Variants in ERP27 observed in about 807,000 individuals in gnomAD.
The protein encoded by ERP27 is endoplasmic reticulum protein 27, also known as endoplasmic reticulum resident protein 27.
In ERP27, 23 loss-of-function variants were observed where a neutral mutation model predicts 27.7. That is an observed-to-expected ratio of 0.83 (90% confidence interval 0.60 to 1.18). ERP27 has a LOEUF of 1.18. ERP27 is among the 50% of genes most tolerant of loss of function. The probability of loss-of-function intolerance (pLI) is 0.00; values close to 1 mark genes in which losing one functional copy is unlikely to be tolerated. For missense variants in ERP27, 363 were observed against 327.9 expected (o/e 1.11, Z -0.83); for synonymous variants, 159 against 118.3 (o/e 1.34, Z -2.23).
At chr12:14,927,580 A>G (rs187663976) in intron 3 of ERP27, among the ~76,000 whole-genome samples, 3 of 152,204 alleles carry the variant, frequency 2.0e-5, no homozygotes, top group African/African-American at 7.2e-5. Context: ...AGGATCTCAA[A>G]ATGCAAATTT....
intron 3 of ERP27, among the ~76,000 whole-genome samples, chr12:14,933,870 C>T (rs1863734156): frequency 6.6e-6 from 1 of 152,146 alleles, no homozygotes; most frequent in Non-Finnish European, 1.5e-5. Context: ...CTTAATACTT[C>T]TCACATGGTC....
rs146132897 is a variant in ERP27, at chr12:14,924,555, T to C, written c.334-3507A>G. ...CAGCGTTTGTTATTTTTTGTCTTTT[T>C]GATGATAGCCATTCTAATTGGGGTG... On this transcript the variant is annotated intron_variant, in intron 3 of 6. Transcript: ENST00000266397. 2.1e-3 allele frequency among the ~76,000 whole-genome samples: 325 copies of C among 152,338 alleles called. 2 individuals carry two copies. The highest frequency in any genetic ancestry group is 7.0e-3 in the African/African-American group (291 of 41,568).
rs754256787 is a variant in ERP27 at position 14,934,947 on chromosome 12, T to A, written c.242A>T (p.Lys81Ile). The change falls in exon 3 of 7, where the codon AAA becomes ATA. Residue 81 changes from lysine (K) to isoleucine (I), a missense_variant. Lys to Ile is a moderately radical substitution (Grantham distance 102). Transcript: ENST00000266397. Reference protein sequence around the residue: ...AVPILHSMVQKFPGVSFGIST... With the variant: ...AVPILHSMVQIFPGVSFGIST... ...GATCCCAAATGACACGCCTGGGAAT[T>A]TTTGCACCATGCTATGGAGTATGGG... The A allele has an allele frequency of 6.2e-7, 1 of 1,614,052 alleles. No homozygotes were observed. Among genetic ancestry groups the A allele is most frequent in the South Asian group, 1.1e-5 (1 of 91,066 alleles).
intron 3 of ERP27, among the ~76,000 whole-genome samples, chr12:14,925,848 C>T (rs2430703): frequency 0.65 from 98,973 of 151,804 alleles, 32,486 homozygotes; most frequent in East Asian, 0.86. Context: ...GGTGGGTAGA[C>T]CACAAGGTCA....
At chr12:14,919,165 G>A (rs1186437574) in intron 4 of ERP27, among the ~76,000 whole-genome samples, 2 of 152,214 alleles carry the variant, frequency 1.3e-5, no homozygotes, top group South Asian at 2.1e-4. Context: ...AACAGCTATA[G>A]TAGAATGGGC....
At chr12:14,914,910 A>T (rs570578853) in intron 6 of ERP27, 128 bp from the exon 7 acceptor site, 4 of 723,346 alleles carry the variant, frequency 5.5e-6, no homozygotes, top group African/African-American at 5.3e-5. Context: ...TTGCCCATTA[A>T]TGCTTTACAC....
intron 2 of ERP27, among the ~76,000 whole-genome samples, chr12:14,936,183 G>A (rs1863770617): frequency 6.6e-6 from 1 of 151,954 alleles, no homozygotes; most frequent in Admixed American, 6.6e-5. Flanking sequence ...GCCATCAAAA[G>A]GGCCAAAAAA....
chr12:14,934,865 G>A lies in ERP27; in HGVS notation c.324C>T (p.Leu108=), dbSNP rs1344447431. Residue 108 remains leucine, a synonymous_variant, in exon 3 of 7, where the codon CTC becomes CTT. Transcript: ENST00000266397. The part of the protein sequence containing the change: ...HYNITGNTIC[L]FRLVDNEQLN... ...TACCCACCCAACTTACCAGGCGAAA[G>A]AGGCAGATGGTGTTCCCAGTGATGT... 59 of 1,614,018 alleles carry A rather than the reference G, an allele frequency of 3.7e-5. No homozygotes were observed. The highest frequency in any genetic ancestry group is 5.0e-5 in the Non-Finnish European group (59 of 1,179,890).
intron 2 of ERP27, among the ~76,000 whole-genome samples, chr12:14,936,906 A>G (rs943125978): frequency 1.3e-5 from 2 of 152,168 alleles, no homozygotes; most frequent in African/African-American, 4.8e-5. Context: ...AGAAACTAAC[A>G]TACCCGTCTT....
chr12:14,920,794 AAGGAT>A (rs1863489510), intron 4 of ERP27, 133 bp downstream of exon 4: 4 of 639,584 alleles, frequency 6.3e-6, no homozygotes, highest in Non-Finnish European at 1.1e-5. Flanking sequence ...AAGGTGTAGG[AAGGAT>A]AGTAACATAA....
chr12:14,924,716 A>G (rs1411909692), intron 3 of ERP27, among the ~76,000 whole-genome samples: 1 of 152,222 alleles, frequency 6.6e-6, no homozygotes, highest in Non-Finnish European at 1.5e-5. Flanking sequence ...GAGCAACTCC[A>G]TCTTGAATAG....
chr12:14,929,204 A>G, intron 3 of ERP27: 1 of 1,241,332 alleles, frequency 8.1e-7, no homozygotes, highest in Non-Finnish European at 1.0e-6. Context: ...GAACAAGAAA[A>G]GCCAGTTACT....
chr12:14,922,165 G>A lies in ERP27; in HGVS notation c.334-1117C>T, dbSNP rs560479414. On this transcript the variant is annotated intron_variant, in intron 3 of 6. Transcript: ENST00000266397. ...ATCCACTGAGCATATACCTCAGATT[G>A]GGATTTTTGATTATAGGATATGTAT... Among the ~76,000 whole-genome samples the A allele has an allele frequency of 1.1e-3, 168 of 152,168 alleles. 1 individual carries two copies. Among genetic ancestry groups the A allele is most frequent in the Middle Eastern group, 3.4e-3 (1 of 294 alleles).
At chr12:14,914,882 T>G (rs1863384582) in intron 6 of ERP27, 100 bp from the exon 7 acceptor site, 3 of 926,496 alleles carry the variant, frequency 3.2e-6, no homozygotes, top group Non-Finnish European at 4.9e-6. Flanking sequence ...TGAACCCTGT[T>G]ATATGAAGTT....
chr12:14,937,847 C>A, intron 2 of ERP27, 105 bp downstream of exon 2: 1 of 857,450 alleles, frequency 1.2e-6, no homozygotes, highest in Non-Finnish European at 1.9e-6. Context: ...CTCCCTTTAC[C>A]CCCACTTCTA....
At chr12:14,931,636 G>C (rs1235861867) in intron 3 of ERP27, among the ~76,000 whole-genome samples, 1 of 152,150 alleles carries the variant, frequency 6.6e-6, no homozygotes, top group Non-Finnish European at 1.5e-5. Flanking sequence ...AGATGTTAAA[G>C]AAGACTGAAA....
At chr12:14,920,572 A>G (rs745310547) in intron 4 of ERP27, among the ~76,000 whole-genome samples, 1 of 152,118 alleles carries the variant, frequency 6.6e-6, no homozygotes, top group Non-Finnish European at 1.5e-5. Flanking sequence ...AGGTCTCGCT[A>G]TGTTGCCCAG....
chr12:14,930,708 T>C, intron 3 of ERP27, among the ~76,000 whole-genome samples: 1 of 152,250 alleles, frequency 6.6e-6, no homozygotes. Context: ...GAATATTATG[T>C]TGCATAAATA....
chr12:14,937,005 C>T (rs1229841074), intron 2 of ERP27, among the ~76,000 whole-genome samples: 13 of 152,162 alleles, frequency 8.5e-5, no homozygotes, highest in East Asian at 1.9e-4. Context: ...TTATTCTGCT[C>T]CTTCAGATGG....
Sources: allele counts gnomAD v4.1 joint callset (sites outside exome capture counted in the v4.1 genomes callset), GRCh38; gene constraint gnomAD v4.1.1; transcripts MANE v1.5; gene names NCBI Gene and HGNC (gene_info 2026-07-23, HGNC 2026-07-21).